Variants in SLCO3A1 observed in about 807,000 individuals in gnomAD.
SLCO3A1 encodes the protein solute carrier organic anion transporter family member 3A1.
SLCO3A1 carries 27 observed loss-of-function variants against 63.1 expected under a neutral mutation model. That is an observed-to-expected ratio of 0.43 (90% CI 0.32 to 0.59). The LOEUF (loss-of-function observed/expected upper bound fraction) is 0.59, where lower values mean the gene tolerates loss of function less well. Ranked by LOEUF, SLCO3A1 falls within the 20% of genes least tolerant of loss-of-function variation. The pLI, the probability that SLCO3A1 is intolerant of heterozygous loss-of-function variation, is 0.09. For synonymous variants in SLCO3A1, 473 were observed against 409.9 expected (o/e 1.15, Z -1.86); for missense variants, 773 against 945.8 (o/e 0.82, Z 2.40).
At chr15:91,921,559 A>G (rs1181307884) in intron 2 of SLCO3A1, among the ~76,000 whole-genome samples, 2 of 152,058 alleles carry the variant, frequency 1.3e-5, no homozygotes, top group Non-Finnish European at 2.9e-5. Context: ...TTTTTTTTAA[A>G]TAACTTTTAA....
At chr15:92,049,644 T>A (rs1267510423) in intron 2 of SLCO3A1, among the ~76,000 whole-genome samples, 1 of 152,176 alleles carries the variant, frequency 6.6e-6, no homozygotes, top group African/African-American at 2.4e-5. Context: ...CAGAAATCGA[T>A]CTTTACCAAG....
At chr15:92,101,983 T>C (rs2151543668) in intron 3 of SLCO3A1, among the ~76,000 whole-genome samples, 1 of 152,272 alleles carries the variant, frequency 6.6e-6, no homozygotes, top group East Asian at 1.9e-4. Context: ...CTGGGTTGTT[T>C]TCTCACACTT....
At chr15:92,170,131 A>T (rs915037934), downstream of SLCO3A1, among the ~76,000 whole-genome samples, 2 of 152,202 alleles carry the variant, frequency 1.3e-5, no homozygotes, top group Non-Finnish European at 2.9e-5. Flanking sequence ...CTTATAGAAG[A>T]TTCTCACACT....
chr15:91,973,754 C>T (rs563083943), intron 2 of SLCO3A1, among the ~76,000 whole-genome samples: 3 of 152,160 alleles, frequency 2.0e-5, no homozygotes, highest in Non-Finnish European at 1.5e-5. Flanking sequence ...TGCACAGGAC[C>T]GGCATCCACA....
intron 2 of SLCO3A1, among the ~76,000 whole-genome samples, chr15:91,970,242 T>C (rs1269819931): frequency 6.6e-6 from 1 of 152,230 alleles, no homozygotes; most frequent in African/African-American, 2.4e-5. Context: ...TATTTTAGTG[T>C]ATTATTTAAA....
At chr15:91,921,347 T>TAGTC (rs1384234643) in intron 2 of SLCO3A1, among the ~76,000 whole-genome samples, 1 of 152,128 alleles carries the variant, frequency 6.6e-6, no homozygotes, top group Non-Finnish European at 1.5e-5. Context: ...TCTCCAAATA[T>TAGTC]AGTCAGTCAC....
chr15:91,937,499 C>A (rs1330157372), intron 2 of SLCO3A1, among the ~76,000 whole-genome samples: 1 of 152,100 alleles, frequency 6.6e-6, no homozygotes, highest in Non-Finnish European at 1.5e-5. Context: ...GTGGGCAGAT[C>A]ATGAGGTCAG....
At chr15:92,104,750 A>T (rs1294257120) in intron 4 of SLCO3A1, among the ~76,000 whole-genome samples, 1 of 152,148 alleles carries the variant, frequency 6.6e-6, no homozygotes, top group Non-Finnish European at 1.5e-5. Flanking sequence ...AAACAAAAAT[A>T]AAGTAGCTAC....
intron 2 of SLCO3A1, among the ~76,000 whole-genome samples, chr15:92,050,648 A>C (rs1311045678): frequency 6.6e-6 from 1 of 152,154 alleles, no homozygotes; most frequent in Non-Finnish European, 1.5e-5. Flanking sequence ...CACTATCACT[A>C]CCACCAACCA....
chr15:92,007,555 T>G (rs1054055611), intron 2 of SLCO3A1, among the ~76,000 whole-genome samples: 2 of 152,114 alleles, frequency 1.3e-5, no homozygotes, highest in Non-Finnish European at 2.9e-5. Context: ...GCAGAAGGGC[T>G]TGGGTTGTAT....
intron 7 of SLCO3A1, among the ~76,000 whole-genome samples, chr15:92,130,163 A>C (rs1048964036): frequency 3.3e-5 from 5 of 152,236 alleles, no homozygotes; most frequent in Non-Finnish European, 5.9e-5. Flanking sequence ...GACCAAAAAA[A>C]TTATCTTAAA....
At chr15:92,167,956 C>T (rs149599213), downstream of SLCO3A1, among the ~76,000 whole-genome samples, 752 of 150,564 alleles carry the variant, frequency 5.0e-3, 6 homozygotes, top group African/African-American at 0.017. Context: ...TTTATTTGGG[C>T]GTGCATTGCA....
At chr15:92,059,264 G>C in intron 2 of SLCO3A1, among the ~76,000 whole-genome samples, 1 of 152,202 alleles carries the variant, frequency 6.6e-6, no homozygotes, top group Non-Finnish European at 1.5e-5. Context: ...CAAGGACACT[G>C]TTACCTGTCT....
chr15:91,987,391 A>G (rs1297760237), intron 2 of SLCO3A1, among the ~76,000 whole-genome samples: 2 of 152,170 alleles, frequency 1.3e-5, no homozygotes, highest in Admixed American at 6.5e-5. Flanking sequence ...ACAACGGTGA[A>G]CAAGACAAAG....
intron 8 of SLCO3A1, among the ~76,000 whole-genome samples, chr15:92,147,722 G>C (rs1567146761): frequency 6.6e-6 from 1 of 152,194 alleles, no homozygotes; most frequent in South Asian, 2.1e-4. Flanking sequence ...TTGCTGGAGA[G>C]AGCCAACCGA....
chr15:91,910,292 C>T (rs1898443752), intron 1 of SLCO3A1, among the ~76,000 whole-genome samples: 1 of 152,186 alleles, frequency 6.6e-6, no homozygotes, highest in South Asian at 2.1e-4. Flanking sequence ...AATGTTGTTG[C>T]TCCCTCAAAC....
intron 2 of SLCO3A1, among the ~76,000 whole-genome samples, chr15:91,951,338 A>G (rs770712295): frequency 9.9e-5 from 15 of 152,130 alleles, no homozygotes; most frequent in Admixed American, 2.0e-4. Context: ...TTTGTGTCCA[A>G]TTCTTTCACT....
At chr15:92,015,462 C>T (rs2046415407) in intron 2 of SLCO3A1, among the ~76,000 whole-genome samples, 1 of 152,050 alleles carries the variant, frequency 6.6e-6, no homozygotes. Flanking sequence ...CGTGAGAACT[C>T]CCTCACTATC....
chr15:92,011,351 A>C (rs1473647466), intron 2 of SLCO3A1, among the ~76,000 whole-genome samples: 1 of 152,220 alleles, frequency 6.6e-6, no homozygotes, highest in Non-Finnish European at 1.5e-5. Flanking sequence ...GTGGGAGCAC[A>C]CAAAATCCTC....
Sources: allele counts gnomAD v4.1 joint callset (sites outside exome capture counted in the v4.1 genomes callset), GRCh38; gene constraint gnomAD v4.1.1; transcripts MANE v1.5; gene names NCBI Gene and HGNC (gene_info 2026-07-23, HGNC 2026-07-21).